AXDND1: variants seen among roughly 807,000 people sequenced by gnomAD.
The protein encoded by AXDND1 is axonemal dynein light chain domain containing 1, also known as axonemal dynein light chain domain-containing protein 1.
AXDND1 carries 110 observed loss-of-function variants against 137.5 expected under a neutral mutation model. The observed-to-expected ratio is 0.80, with a 90% CI of 0.69 to 0.94. The LOEUF (loss-of-function observed/expected upper bound fraction) is 0.94. Among genes scored for constraint, AXDND1 ranks in the 40% least tolerant of loss-of-function variants. AXDND1 has a pLI of 0.00. For missense variants in AXDND1, 1,191 were observed against 1,169.8 expected (o/e 1.02, Z -0.26); for synonymous variants, 414 against 399.7 (o/e 1.04, Z -0.43).
chr1:179,367,051 T>C (rs1034147475), intron 2 of AXDND1, among the ~76,000 whole-genome samples: 11 of 151,400 alleles, frequency 7.3e-5, no homozygotes, highest in Non-Finnish European at 4.4e-5. Context: ...TGAAATCCCG[T>C]CTCTACTAGA....
At chr1:179,414,999 A>G (rs1487439255) in intron 12 of AXDND1, among the ~76,000 whole-genome samples, 1 of 152,216 alleles carries the variant, frequency 6.6e-6, no homozygotes, top group Non-Finnish European at 1.5e-5. Flanking sequence ...TCACCTATAT[A>G]TGGGATATTC....
At chr1:179,445,298 A>G (rs1659578362) in intron 16 of AXDND1, 94 bp downstream of exon 16, 1 of 964,874 alleles carries the variant, frequency 1.0e-6, no homozygotes, top group East Asian at 2.7e-5. Flanking sequence ...TAAAAGTAAT[A>G]AATCCATATA....
chr1:179,517,751 G>A lies in AXDND1; in HGVS notation c.2497-7583G>A, dbSNP rs144011716. On this transcript the variant is annotated intron_variant, in intron 21 of 25. Coordinates refer to ENST00000367618, the MANE Select transcript of AXDND1 (RefSeq NM_144696.6). ...CAGTGGGGGTGTGTTTGGGAGTGGA[G>A]GGTCTCCCTTTCCCACTTTCGCAGT... is the stretch of plus-strand genomic sequence containing the variant. Among the ~76,000 whole-genome samples the A allele has an allele frequency of 4.0e-3, 604 of 152,362 alleles. 4 individuals are homozygous for A. The highest frequency in any genetic ancestry group is 0.014 in the African/African-American group (576 of 41,586).
At chr1:179,456,242 A>G (rs1055548915) in intron 16 of AXDND1, 15 of 760,524 alleles carry the variant, frequency 2.0e-5, no homozygotes, top group African/African-American at 8.6e-5. Flanking sequence ...TGCCACTGTC[A>G]TAGCTACTGC....
chr1:179,494,352 T>C (rs1282169193), intron 20 of AXDND1, among the ~76,000 whole-genome samples: 1 of 152,216 alleles, frequency 6.6e-6, no homozygotes, highest in Non-Finnish European at 1.5e-5. Flanking sequence ...GATGTTGAAC[T>C]TCTTTTCATG....
In AXDND1 at chr1:179,401,339, C is replaced by T. The variant is rs1242987338; in HGVS notation, c.1109+6137C>T. Among the ~76,000 whole-genome samples the T allele has an allele frequency of 2.0e-5, 3 of 151,014 alleles. No homozygotes were observed. In the East Asian group the frequency reaches 5.8e-4, roughly 29 times the overall value. On this transcript the variant is annotated intron_variant, in intron 11 of 25. Coordinates refer to ENST00000367618, the MANE Select transcript of AXDND1 (RefSeq NM_144696.6). ...AAATTAGCTAGATATTAAAATTTTA[C>T]CAAGTTTTTCCAAAATACATTTCAT...
At chr1:179,531,819 T>A (rs1258891874) in intron 23 of AXDND1, among the ~76,000 whole-genome samples, 1 of 152,002 alleles carries the variant, frequency 6.6e-6, no homozygotes, top group Non-Finnish European at 1.5e-5. Flanking sequence ...AAGGCAGAAT[T>A]GATGTCAGAC....
intron 18 of AXDND1, among the ~76,000 whole-genome samples, chr1:179,490,033 C>G (rs1299072058): frequency 6.6e-6 from 1 of 152,098 alleles, no homozygotes; most frequent in African/African-American, 2.4e-5. Flanking sequence ...CGTGAGCCAC[C>G]GCGCCCGGCC....
At chr1:179,524,315 A>C (rs546889783) in intron 21 of AXDND1, among the ~76,000 whole-genome samples, 4 of 152,266 alleles carry the variant, frequency 2.6e-5, no homozygotes, top group African/African-American at 9.6e-5. Flanking sequence ...GTTACTGTCT[A>C]ATTCTCTGGC....
chr1:179,535,855 T>C (rs1340351847), intron 25 of AXDND1, among the ~76,000 whole-genome samples: 1 of 152,360 alleles, frequency 6.6e-6, no homozygotes, highest in South Asian at 2.1e-4. Flanking sequence ...GTAAAAGTGT[T>C]CCTATTTCTC....
At chr1:179,416,810 A>C (rs1009681424) in intron 12 of AXDND1, among the ~76,000 whole-genome samples, 5 of 152,168 alleles carry the variant, frequency 3.3e-5, no homozygotes, top group African/African-American at 1.2e-4. Flanking sequence ...CAGTGCAGAG[A>C]TCTACCTGTC....
rs557978054 is a variant in AXDND1, at chr1:179,366,462, C to A, written c.-48C>A. Reference sequence around the variant, plus strand: ...GCTGATTTGTGTCTAAATTAGCTTTCCGGAGGACTATTTCAAATTACTAAA... The same window carrying A: ...GCTGATTTGTGTCTAAATTAGCTTTACGGAGGACTATTTCAAATTACTAAA... On this transcript the variant is annotated 5_prime_UTR_variant, in exon 2 of 26. Transcript: ENST00000367618. 2 of 1,494,548 alleles carry A rather than the reference C, an allele frequency of 1.3e-6. No homozygotes were observed. Among genetic ancestry groups the A allele is most frequent in the African/African-American group, 2.8e-5 (2 of 72,036 alleles). The allele number at this position is 1,494,548 out of a possible 1,614,324, so 92.6% of individuals were successfully genotyped here.
In AXDND1 at chr1:179,395,153, G is replaced by C; in HGVS notation, c.1060G>C (p.Ala354Pro). 6 of 1,613,552 alleles carry C rather than the reference G, an allele frequency of 3.7e-6. No individual in the cohort carries two copies. The East Asian group carries it at 1.3e-4, about 36-fold the overall frequency. The change falls in exon 11 of 26, where the codon GCC (alanine) becomes CCC (proline). Residue 354 changes from alanine (A) to proline (P), a missense_variant. Transcript: ENST00000367618. ...DVKLTKETEK[A>P]HKDLAQALLN... ...GAAATTAACAAAGGAAACAGAAAAA[G>C]CCCACAAGGATTTGGCACAAGCTCT...
At chr1:179,459,671 C>G (rs1046948694) in intron 16 of AXDND1, among the ~76,000 whole-genome samples, 1 of 112,454 alleles carries the variant, frequency 8.9e-6, no homozygotes, top group Non-Finnish European at 1.8e-5. Context: ...GGCTTGCTTT[C>G]TTTTCTCTTC....
In AXDND1 at chr1:179,495,829, GT is replaced by G. The variant is rs1056109682; in HGVS notation, c.2388+2886del. On this transcript the variant is annotated intron_variant, in intron 20 of 25. Coordinates refer to ENST00000367618, the MANE Select transcript of AXDND1 (RefSeq NM_144696.6). ...TCTTTAAGTATAATGCTAGCTATAG[GT>G]TTTTTTTATAGATACCCTTTATTAG... Among the ~76,000 whole-genome samples the G allele has an allele frequency of 5.5e-5, 8 of 146,348 alleles. No homozygotes were observed. In the East Asian group the frequency reaches 8.1e-4, roughly 15 times the overall value.
chr1:179,432,098 T>C (rs904588577), intron 14 of AXDND1, among the ~76,000 whole-genome samples, 169 bp from the exon 15 acceptor site: 8 of 152,180 alleles, frequency 5.3e-5, no homozygotes, highest in Non-Finnish European at 7.3e-5. Context: ...GAATTTATGT[T>C]TACAAATTTA....
intron 15 of AXDND1, among the ~76,000 whole-genome samples, chr1:179,439,549 G>A (rs1453800735): frequency 6.6e-6 from 1 of 152,152 alleles, no homozygotes; most frequent in Non-Finnish European, 1.5e-5. Flanking sequence ...TGGGGGATTG[G>A]GAACATATGC....
intron 25 of AXDND1, among the ~76,000 whole-genome samples, chr1:179,540,104 C>T (rs2125724336): frequency 6.6e-6 from 1 of 152,070 alleles, no homozygotes; most frequent in East Asian, 1.9e-4. Flanking sequence ...AATCTTTTTT[C>T]AAGGTTTTTA....
chr1:179,525,124 C>T (rs924143790), intron 21 of AXDND1, among the ~76,000 whole-genome samples: 10 of 152,200 alleles, frequency 6.6e-5, no homozygotes, highest in Admixed American at 2.0e-4. Context: ...AAATTAGGTG[C>T]TCCTACTATG....
Sources: allele counts gnomAD v4.1 joint callset (sites outside exome capture counted in the v4.1 genomes callset), GRCh38; gene constraint gnomAD v4.1.1; transcripts MANE v1.5; gene names NCBI Gene and HGNC (gene_info 2026-07-23, HGNC 2026-07-21).